CADM2: variants seen among roughly 807,000 people sequenced by gnomAD.
CADM2 encodes the protein cell adhesion molecule 2.
Under a neutral mutation model 49.8 loss-of-function variants are expected in CADM2, and 12 were observed. The ratio of observed to expected loss-of-function variants is 0.24; its 90% CI spans 0.15 to 0.39. The LOEUF is 0.39. CADM2 is among the 10% of genes least tolerant of loss of function. The pLI is 1.00. For missense variants in CADM2, 378 were observed against 492.3 expected, an observed-to-expected ratio of 0.77 and a Z score of 2.20; for synonymous variants, 214 against 175.4, an observed-to-expected ratio of 1.22 and a Z score of -1.74.
intron 1 of CADM2, among the ~76,000 whole-genome samples, chr3:85,001,527 G>A (rs2033462045): frequency 6.6e-6 from 1 of 151,838 alleles, no homozygotes; most frequent in South Asian, 2.1e-4. Context: ...ATACAAAATA[G>A]GTTCAAAGAT....
intron 1 of CADM2, among the ~76,000 whole-genome samples, chr3:85,038,326 A>G (rs1336165199): frequency 1.3e-5 from 2 of 152,230 alleles, no homozygotes; most frequent in Non-Finnish European, 2.9e-5. Context: ...AAATAAGAAA[A>G]TATATGATAT....
At chr3:85,863,924 C>A (rs372233777) in intron 3 of CADM2, among the ~76,000 whole-genome samples, 1 of 152,092 alleles carries the variant, frequency 6.6e-6, no homozygotes. Flanking sequence ...AGAGAGTGGA[C>A]TGGAGACGTG....
intron 2 of CADM2, among the ~76,000 whole-genome samples, chr3:85,745,745 G>T (rs1427120049): frequency 6.6e-6 from 1 of 152,108 alleles, no homozygotes; most frequent in Non-Finnish European, 1.5e-5. Context: ...CATGCCTGTA[G>T]TCCCAGCTAC....
chr3:85,583,912 A>G (rs1170932163), intron 1 of CADM2, among the ~76,000 whole-genome samples: 1 of 152,090 alleles, frequency 6.6e-6, no homozygotes, highest in Non-Finnish European at 1.5e-5. Flanking sequence ...TTCCAACTAT[A>G]GAAAATTTCC....
At chr3:85,747,027 G>A (rs1655151855) in intron 2 of CADM2, among the ~76,000 whole-genome samples, 1 of 152,030 alleles carries the variant, frequency 6.6e-6, no homozygotes, top group Non-Finnish European at 1.5e-5. Flanking sequence ...AGGTAAAACA[G>A]GATGAAGAGA....
chr3:85,077,380 A>G (rs1431029703), intron 1 of CADM2, among the ~76,000 whole-genome samples: 2 of 152,114 alleles, frequency 1.3e-5, no homozygotes, highest in African/African-American at 4.8e-5. Flanking sequence ...AAATACCTTT[A>G]CAGAGCAATA....
chr3:85,087,950 G>T (rs955557444), intron 1 of CADM2, among the ~76,000 whole-genome samples: 2 of 152,066 alleles, frequency 1.3e-5, no homozygotes, highest in Non-Finnish European at 2.9e-5. Flanking sequence ...TGCCTGTTTG[G>T]CTGCGGAAAC....
intron 1 of CADM2, among the ~76,000 whole-genome samples, chr3:85,110,069 G>T (rs1403038449): frequency 6.6e-6 from 1 of 151,952 alleles, no homozygotes; most frequent in African/African-American, 2.4e-5. Context: ...AGTATTCATT[G>T]ATGAGGATAT....
intron 3 of CADM2, among the ~76,000 whole-genome samples, chr3:85,811,230 T>G (rs1051850943): frequency 8.5e-5 from 13 of 152,292 alleles, no homozygotes; most frequent in Non-Finnish European, 1.6e-4. Flanking sequence ...GAAATCAAAG[T>G]GACATTTTCT....
At chr3:85,540,383 C>T (rs34482501) in intron 1 of CADM2, among the ~76,000 whole-genome samples, 8,479 of 152,132 alleles carry the variant, frequency 0.056, 356 homozygotes, top group Non-Finnish European at 0.08. Flanking sequence ...AGTAGATAAA[C>T]ATACAATATT....
At chr3:85,262,386 C>CT (rs1430389127) in intron 1 of CADM2, among the ~76,000 whole-genome samples, 1 of 151,870 alleles carries the variant, frequency 6.6e-6, no homozygotes, top group Non-Finnish European at 1.5e-5. Flanking sequence ...ATTTAATATG[C>CT]TTAAGAGGAC....
Position 85,748,732 on chromosome 3 carries a change from G to T in CADM2, c.88+22184G>T, listed in dbSNP as rs139233343. Among the ~76,000 whole-genome samples the T allele has an allele frequency of 2.8e-3, 432 of 152,132 alleles. 2 individuals are homozygous for T. The highest frequency in any genetic ancestry group is 9.5e-3 in the African/African-American group (396 of 41,524). On this transcript the variant is annotated intron_variant, in intron 2 of 9. Transcript: ENST00000383699. ...TGGCCTGTATTTGCCTCTCTCAGGT[G>T]TTTACCACATGTTTTTGTCTTTATT...
rs560153650 is a variant in CADM2, at chr3:84,959,077, CCGCTGCTACCGCCACTAG to C, written c.-523_-506del. On this transcript the variant is annotated 5_prime_UTR_variant, in exon 1 of 10. Coordinates refer to ENST00000383699, the MANE Select transcript of CADM2 (RefSeq NM_001167675.2). The stretch of plus-strand genomic sequence containing the variant: ...GGAGCCGCCACTGCCGCCGCCGCTG[CCGCTGCTACCGCCACTAG>C]CGCTGCTTCCACTGCTTCTACCTCC... The C allele has an allele frequency of 6.3e-3, 1,275 of 201,374 alleles. 14 individuals carry two copies. Among genetic ancestry groups the C allele is most frequent in the African/African-American group, 0.029 (1,193 of 41,850 alleles). 12.5% of individuals were successfully genotyped at this position (201,374 alleles called of 1,614,324 possible).
Position 86,066,816 on chromosome 3 carries a change from G to T in CADM2, c.*33G>T. The T allele has an allele frequency of 7.0e-7, 1 of 1,433,798 alleles. No individual in the cohort carries two copies. Among genetic ancestry groups the T allele is most frequent in the Admixed American group, 1.7e-5 (1 of 59,272 alleles). 88.8% of individuals were successfully genotyped at this position (1,433,798 alleles called of 1,614,324 possible). On this transcript the variant is annotated 3_prime_UTR_variant, in exon 10 of 10. Transcript: ENST00000383699. ...GCCAAGATTCTGAGTTTTACTACCA[G>T]GCTGAATGCTGGAGAAAACTGGCTA...
intron 1 of CADM2, among the ~76,000 whole-genome samples, chr3:85,638,392 A>G (rs2064585837): frequency 6.6e-6 from 1 of 152,116 alleles, no homozygotes. Flanking sequence ...AAATTGATAC[A>G]ACTACAGCTG....
At chr3:85,669,775 G>T (rs1419408743) in intron 1 of CADM2, among the ~76,000 whole-genome samples, 1 of 152,010 alleles carries the variant, frequency 6.6e-6, no homozygotes, top group Non-Finnish European at 1.5e-5. Flanking sequence ...AAATAAAAAA[G>T]AAAGCAGTAG....
intron 1 of CADM2, among the ~76,000 whole-genome samples, chr3:85,002,838 T>G (rs949766305): frequency 2.0e-5 from 3 of 152,098 alleles, no homozygotes; most frequent in Admixed American, 2.0e-4. Flanking sequence ...CAGGATGGAG[T>G]GCTATGGTGT....
chr3:85,192,526 AGGAAGGAACCCCAAAAAAG>A, intron 1 of CADM2, among the ~76,000 whole-genome samples: 1 of 152,018 alleles, frequency 6.6e-6, no homozygotes, highest in South Asian at 2.1e-4. Context: ...GTGGAGAAGT[AGGAAGGAACCCCAAAAAAG>A]TCTTAAAAGT....
chr3:85,021,143 A>G (rs2034489724), intron 1 of CADM2, among the ~76,000 whole-genome samples: 2 of 151,444 alleles, frequency 1.3e-5, no homozygotes, highest in African/African-American at 4.8e-5. Context: ...AGGGGGAAAA[A>G]AAAGAAAAAA....
Sources: allele counts gnomAD v4.1 joint callset (sites outside exome capture counted in the v4.1 genomes callset), GRCh38; gene constraint gnomAD v4.1.1; transcripts MANE v1.5; gene names NCBI Gene and HGNC (gene_info 2026-07-23, HGNC 2026-07-21).